RNGTT: variants seen among roughly 807,000 people sequenced by gnomAD.
RNGTT encodes the protein RNA guanylyltransferase and 5'-phosphatase, also known as mRNA-capping enzyme.
In RNGTT, 33 loss-of-function variants were observed where a neutral mutation model predicts 79.3. The ratio of observed to expected loss-of-function variants is 0.42; its 90% confidence interval spans 0.32 to 0.56. The LOEUF is 0.56. RNGTT is among the 20% of genes least tolerant of loss of function. RNGTT has a pLI of 0.17. For missense variants in RNGTT, 497 were observed against 739.1 expected, an observed-to-expected ratio of 0.67 and a Z score of 3.80; for synonymous variants, 222 against 235.9, an observed-to-expected ratio of 0.94 and a Z score of 0.54.
chr6:88,616,828 A>G (rs1052542917), intron 14 of RNGTT, among the ~76,000 whole-genome samples: 2 of 152,180 alleles, frequency 1.3e-5, no homozygotes, highest in Non-Finnish European at 2.9e-5. Flanking sequence ...ATTTTCTCCC[A>G]TTCTGTAGGC....
At chr6:88,744,149 T>C (rs541249228) in intron 13 of RNGTT, among the ~76,000 whole-genome samples, 30 of 152,344 alleles carry the variant, frequency 2.0e-4, no homozygotes, top group African/African-American at 7.0e-4. Flanking sequence ...ATCTCCTGAC[T>C]ATATGATTTA....
At chr6:88,843,635 T>C (rs1393998455) in intron 11 of RNGTT, among the ~76,000 whole-genome samples, 1 of 138,188 alleles carries the variant, frequency 7.2e-6, no homozygotes, top group African/African-American at 2.7e-5. Flanking sequence ...CTCGGCTCAC[T>C]GCAACCTCCA....
chr6:88,924,620 C>T (rs1350382653), intron 4 of RNGTT, among the ~76,000 whole-genome samples: 1 of 151,984 alleles, frequency 6.6e-6, no homozygotes, highest in African/African-American at 2.4e-5. Flanking sequence ...GCCACCAAGC[C>T]AGACCCCAAT....
intron 6 of RNGTT, among the ~76,000 whole-genome samples, chr6:88,900,400 T>C (rs1783408566): frequency 6.6e-6 from 1 of 152,142 alleles, no homozygotes; most frequent in African/African-American, 2.4e-5. Context: ...TAACAGCAGC[T>C]TAGACAAAGC....
intron 11 of RNGTT, among the ~76,000 whole-genome samples, chr6:88,808,017 A>C (rs934826131): frequency 6.6e-6 from 1 of 152,196 alleles, no homozygotes; most frequent in African/African-American, 2.4e-5. Context: ...ATAGCTGATA[A>C]AACATATTTC....
chr6:88,617,568 A>C (rs892053711), intron 14 of RNGTT, among the ~76,000 whole-genome samples: 3 of 152,290 alleles, frequency 2.0e-5, no homozygotes, highest in East Asian at 3.9e-4. Context: ...CCAGTAATTA[A>C]GTATGCCATC....
chr6:88,837,754 C>T (rs1043565473), intron 11 of RNGTT, among the ~76,000 whole-genome samples: 4 of 151,904 alleles, frequency 2.6e-5, no homozygotes, highest in Admixed American at 2.0e-4. Flanking sequence ...GCCATTTGAC[C>T]AAACTGAACA....
intron 8 of RNGTT, among the ~76,000 whole-genome samples, chr6:88,854,738 TG>T (rs148037037): frequency 6.6e-6 from 1 of 152,146 alleles, no homozygotes; most frequent in African/African-American, 2.4e-5. Context: ...AATCAACATA[TG>T]GGGGAATTCA....
At chr6:88,792,554 T>C (rs956058979) in intron 12 of RNGTT, among the ~76,000 whole-genome samples, 1 of 152,216 alleles carries the variant, frequency 6.6e-6, no homozygotes, top group Non-Finnish European at 1.5e-5. Flanking sequence ...CAGAATATCA[T>C]ATAGTGTCTG....
chr6:88,793,974 T>C (rs1779506826), intron 12 of RNGTT, among the ~76,000 whole-genome samples: 1 of 152,240 alleles, frequency 6.6e-6, no homozygotes, highest in Admixed American at 6.5e-5. Context: ...TATTAAAAAT[T>C]CATTACTTAG....
chr6:88,792,724 G>A (rs1779465064), intron 12 of RNGTT, among the ~76,000 whole-genome samples: 1 of 152,170 alleles, frequency 6.6e-6, no homozygotes, highest in Non-Finnish European at 1.5e-5. Context: ...CTCTGGTGAT[G>A]GTGGCCTAAA....
chr6:88,737,599 G>A (rs1207019797), intron 13 of RNGTT, among the ~76,000 whole-genome samples: 1 of 152,106 alleles, frequency 6.6e-6, no homozygotes, highest in Non-Finnish European at 1.5e-5. Context: ...TCACAAGGGT[G>A]GGGTCCTGAT....
At chr6:88,702,409 A>T (rs1277684999) in intron 13 of RNGTT, among the ~76,000 whole-genome samples, 3 of 152,184 alleles carry the variant, frequency 2.0e-5, no homozygotes, top group Non-Finnish European at 4.4e-5. Flanking sequence ...AAAGCTGCAC[A>T]CCTACAGCCA....
chr6:88,784,416 G>C (rs1779163347), intron 12 of RNGTT, among the ~76,000 whole-genome samples: 1 of 152,136 alleles, frequency 6.6e-6, no homozygotes. Context: ...GCACAGGGGA[G>C]AGTCATGCTC....
intron 1 of RNGTT, among the ~76,000 whole-genome samples, chr6:88,950,532 C>T (rs1379329237): frequency 6.6e-6 from 1 of 152,124 alleles, no homozygotes; most frequent in Admixed American, 6.5e-5. Flanking sequence ...ATTCATGATT[C>T]ATAGGAGAAA....
At chr6:88,685,875 A>G (rs1487071739) in intron 13 of RNGTT, among the ~76,000 whole-genome samples, 1 of 151,880 alleles carries the variant, frequency 6.6e-6, no homozygotes, top group Non-Finnish European at 1.5e-5. Context: ...AAAATTTTAG[A>G]TGGAGAAGAA....
At chr6:88,665,661 G>A (rs569858077) in intron 14 of RNGTT, among the ~76,000 whole-genome samples, 3 of 152,324 alleles carry the variant, frequency 2.0e-5, no homozygotes, top group African/African-American at 7.2e-5. Flanking sequence ...GGAGGATCCG[G>A]GGTCAGGTGT....
At chr6:88,908,729 T>A (rs1783738438) in intron 4 of RNGTT, among the ~76,000 whole-genome samples, 1 of 152,162 alleles carries the variant, frequency 6.6e-6, no homozygotes, top group African/African-American at 2.4e-5. Context: ...GCTCTCCAGC[T>A]TGTACTGAGT....
At chr6:88,916,784 A>G (rs1382697973) in intron 4 of RNGTT, among the ~76,000 whole-genome samples, 1 of 152,224 alleles carries the variant, frequency 6.6e-6, no homozygotes, top group East Asian at 1.9e-4. Flanking sequence ...GTGGAGGCCA[A>G]AGCAACTCCA....
Sources: allele counts gnomAD v4.1 joint callset (sites outside exome capture counted in the v4.1 genomes callset), GRCh38; gene constraint gnomAD v4.1.1; transcripts MANE v1.5; gene names NCBI Gene and HGNC (gene_info 2026-07-23, HGNC 2026-07-21).